The following PCTP variants were observed in gnomAD, a reference collection of about 807,000 sequenced individuals.
The protein encoded by PCTP is START domain-containing protein 2.
PCTP carries 27 observed loss-of-function variants against 31.0 expected under a neutral mutation model. The ratio of observed to expected loss-of-function variants is 0.87; its 90% CI spans 0.64 to 1.20. The LOEUF (loss-of-function observed/expected upper bound fraction) is 1.20. Among genes scored for constraint, PCTP ranks in the 50% most tolerant of loss-of-function variants. The pLI, the probability that PCTP is intolerant of heterozygous loss-of-function variation, is 0.00. For missense variants in PCTP, 287 were observed against 268.2 expected (o/e 1.07, Z -0.49); for synonymous variants, 108 against 101.2 (o/e 1.07, Z -0.40).
At chr17:55,824,156 C>G (rs958072161), downstream of PCTP, among the ~76,000 whole-genome samples, 5 of 152,062 alleles carry the variant, frequency 3.3e-5, no homozygotes, top group African/African-American at 1.2e-4. Flanking sequence ...TCCAACCAAT[C>G]AACTTGTCTA....
At chr17:55,850,689 A>G in the PCTP span, among the ~76,000 whole-genome samples, 3 of 152,196 alleles carry the variant, frequency 2.0e-5, no homozygotes, top group African/African-American at 4.8e-5. Context: ...GGTTTCAGTT[A>G]TCTTCTCAGT....
intron 3 of PCTP, among the ~76,000 whole-genome samples, chr17:55,813,852 G>A (rs1181884377): frequency 6.6e-6 from 1 of 152,118 alleles, no homozygotes; most frequent in African/African-American, 2.4e-5. Flanking sequence ...AGACCAGCCT[G>A]GACAATATAG....
chr17:55,828,235 C>A (rs910396639), intron 5 of PCTP, among the ~76,000 whole-genome samples: 2 of 152,178 alleles, frequency 1.3e-5, no homozygotes, highest in Admixed American at 6.5e-5. Context: ...GCTGCTGTAA[C>A]AAAGTACTAC....
At chr17:55,803,795 C>A (rs1051161174) in intron 3 of PCTP, among the ~76,000 whole-genome samples, 2 of 151,638 alleles carry the variant, frequency 1.3e-5, no homozygotes, top group African/African-American at 2.4e-5. Flanking sequence ...AGGACATAGG[C>A]ATGGGCAAAG....
intron 3 of PCTP, among the ~76,000 whole-genome samples, chr17:55,791,274 G>A (rs1177932629): frequency 6.6e-6 from 1 of 151,836 alleles, no homozygotes; most frequent in East Asian, 1.9e-4. Flanking sequence ...AACACCAACA[G>A]CAATGGCAAC....
At chr17:55,848,588 G>T in the PCTP span, among the ~76,000 whole-genome samples, 2 of 152,126 alleles carry the variant, frequency 1.3e-5, no homozygotes, top group East Asian at 3.9e-4. Flanking sequence ...CCACAATTTT[G>T]CTGTGAACTG....
intron 3 of PCTP, among the ~76,000 whole-genome samples, chr17:55,821,011 G>A (rs775338628): frequency 1.3e-5 from 2 of 152,168 alleles, no homozygotes; most frequent in Non-Finnish European, 2.9e-5. Flanking sequence ...TGTTCAAAAG[G>A]TTAACATTTG....
intron 3 of PCTP, 139 bp downstream of exon 3, chr17:55,771,324 G>T: frequency 1.5e-6 from 1 of 687,156 alleles, no homozygotes. Context: ...AGCAGCATTT[G>T]CTAAAGATAT....
intron 2 of PCTP, among the ~76,000 whole-genome samples, chr17:55,786,125 AG>A (rs1462834129): frequency 3.9e-5 from 6 of 152,154 alleles, no homozygotes; most frequent in African/African-American, 1.4e-4. Context: ...TCTACCAAAA[AG>A]TACAAAAATT....
intron 5 of PCTP, among the ~76,000 whole-genome samples, chr17:55,837,029 G>A (rs965430574): frequency 6.6e-6 from 1 of 152,064 alleles, no homozygotes; most frequent in Non-Finnish European, 1.5e-5. Flanking sequence ...GTGATGTGAA[G>A]GTTGTATGGT....
At position 55,767,294 on chromosome 17, in the gene PCTP, T is replaced by G. The variant is rs138001647; in HGVS notation, c.142-41T>G. 117 of 1,283,122 alleles carry G rather than the reference T, an allele frequency of 9.1e-5. No homozygotes were observed. In the African/African-American group the frequency reaches 1.4e-3, roughly 16 times the overall value. The allele number at this position is 1,283,122 out of a possible 1,614,324, so 79.5% of individuals were successfully genotyped here. ...ATGTGGAATGCAGCTTTCTCTCAAC[T>G]TGGGAACCAATAGACATTTCTACCT... On this transcript the variant is annotated intron_variant, in intron 1 of 5. Transcript: ENST00000268896.
intron 5 of PCTP, among the ~76,000 whole-genome samples, chr17:55,835,747 G>A (rs769144340): frequency 6.6e-6 from 1 of 152,142 alleles, no homozygotes; most frequent in Non-Finnish European, 1.5e-5. Flanking sequence ...GGTACAAGGT[G>A]GCTACCTGAA....
At position 55,805,886 on chromosome 17, in the gene PCTP, A is replaced by ATGTGTGTGTGTGTGTGTGTGTGTG. The variant is rs58345619; in HGVS notation, c.318-16867_318-16844dup. On this transcript the variant is annotated intron_variant, in intron 3 of 3. Transcript: ENST00000572536. ...TTATGGTCTCTCTCTCTCAATCTGTATGTGTGTGTGTGTGTGTGTGTGTGT... is the reference window on the plus strand; with the variant it reads ...TTATGGTCTCTCTCTCTCAATCTGTATGTGTGTGTGTGTGTGTGTGTGTGTGTGTGTGTGTGTGTGTGTGTGTGT... Among the ~76,000 whole-genome samples the ATGTGTGTGTGTGTGTGTGTGTGTG allele has an allele frequency of 5.2e-3, 736 of 142,836 alleles. 6 individuals carry two copies. The highest frequency in any genetic ancestry group is 7.4e-3 in the Non-Finnish European group (479 of 64,508). 93.7% of individuals were successfully genotyped at this position (142,836 alleles called of 152,430 possible).
chr17:55,811,544 T>A (rs1271359279), intron 3 of PCTP, among the ~76,000 whole-genome samples: 1 of 152,144 alleles, frequency 6.6e-6, no homozygotes, highest in Non-Finnish European at 1.5e-5. Flanking sequence ...GCCAAAAAAG[T>A]AGATATTGAC....
At chr17:55,777,700 C>A (rs531786851), downstream of PCTP, among the ~76,000 whole-genome samples, 2 of 143,170 alleles carry the variant, frequency 1.4e-5, no homozygotes, top group Admixed American at 1.3e-4. Flanking sequence ...CTAGTAGGAC[C>A]TGCACTTTCC....
At chr17:55,836,125 T>A (rs1905768525) in intron 5 of PCTP, among the ~76,000 whole-genome samples, 1 of 152,154 alleles carries the variant, frequency 6.6e-6, no homozygotes, top group Non-Finnish European at 1.5e-5. Flanking sequence ...GTTCACTTAG[T>A]TTTTTTCCCA....
At chr17:55,850,861 A>G in the PCTP span, among the ~76,000 whole-genome samples, 1 of 152,196 alleles carries the variant, frequency 6.6e-6, no homozygotes, top group South Asian at 2.1e-4. Context: ...CATTGATCCT[A>G]TTGGATCAAA....
At chr17:55,798,886 A>G (rs1343177742) in intron 3 of PCTP, among the ~76,000 whole-genome samples, 1 of 152,020 alleles carries the variant, frequency 6.6e-6, no homozygotes, top group Non-Finnish European at 1.5e-5. Flanking sequence ...GGTTTACAAT[A>G]TCTGTGTCAT....
At chr17:55,842,978 C>T (rs1424551103), downstream of PCTP, 1 of 152,132 alleles carries the variant, frequency 6.6e-6, no homozygotes, top group Non-Finnish European at 1.5e-5. Context: ...TAATTATTTA[C>T]TCTTTGTAAG....
Sources: allele counts gnomAD v4.1 joint callset (sites outside exome capture counted in the v4.1 genomes callset), GRCh38; gene constraint gnomAD v4.1.1; transcripts MANE v1.5; gene names NCBI Gene and HGNC (gene_info 2026-07-23, HGNC 2026-07-21).